KCNK2: variants seen among roughly 807,000 people sequenced by gnomAD.
The protein encoded by KCNK2 is potassium two pore domain channel subfamily K member 2.
A neutral mutation model predicts 40.5 loss-of-function variants in KCNK2; 21 were observed. The ratio of observed to expected loss-of-function variants is 0.52; its 90% CI spans 0.37 to 0.75. KCNK2 has a LOEUF of 0.75. Ranked by LOEUF, KCNK2 falls within the 30% of genes least tolerant of loss-of-function variation. KCNK2 has a pLI of 0.00. For synonymous variants in KCNK2, 191 were observed against 202.2 expected (o/e 0.94, Z 0.47); for missense variants, 399 against 531.6 (o/e 0.75, Z 2.45).
chr1:215,080,510 G>A (rs1169246756), upstream of KCNK2, among the ~76,000 whole-genome samples: 1 of 152,134 alleles, frequency 6.6e-6, no homozygotes, highest in Non-Finnish European at 1.5e-5. Flanking sequence ...GGGAGACCAG[G>A]TGAATATAAG....
At chr1:215,128,730 G>A (rs549183113) in intron 3 of KCNK2, among the ~76,000 whole-genome samples, 51 of 151,380 alleles carry the variant, frequency 3.4e-4, no homozygotes, top group Non-Finnish European at 5.7e-4. Context: ...TCCAAAAAGA[G>A]AAGTTAGCTG....
chr1:215,135,703 A>T (rs1661874184), intron 3 of KCNK2, among the ~76,000 whole-genome samples: 1 of 151,976 alleles, frequency 6.6e-6, no homozygotes, highest in African/African-American at 2.4e-5. Flanking sequence ...TAATTTAATG[A>T]AATGGCCAAC....
At chr1:215,064,689 C>T (rs188498352) in intron 1 of KCNK2, among the ~76,000 whole-genome samples, 4 of 152,128 alleles carry the variant, frequency 2.6e-5, no homozygotes, top group Non-Finnish European at 5.9e-5. Context: ...CTAAGAGTAT[C>T]GTCTTCAGGG....
chr1:215,081,305 T>G (rs920586067), upstream of KCNK2, among the ~76,000 whole-genome samples: 1 of 151,930 alleles, frequency 6.6e-6, no homozygotes, highest in Non-Finnish European at 1.5e-5. Flanking sequence ...CCAGGAAGAC[T>G]TAGAATGAAA....
At position 215,082,856 on chromosome 1, in the gene KCNK2, G is replaced by A. The variant is rs12747319; in HGVS notation, c.-530G>A. Among the ~76,000 whole-genome samples the A allele has an allele frequency of 6.6e-6, 1 of 151,982 alleles. No homozygotes were observed. The highest frequency in any genetic ancestry group is 2.4e-5 in the African/African-American group (1 of 41,422). On this transcript the variant is annotated 5_prime_UTR_variant, in exon 1 of 7. Coordinates refer to ENST00000444842, the MANE Select transcript of KCNK2 (RefSeq NM_001017425.3). ...CCGCGGGGCACGGAGGGCATTGCGG[G>A]GGGAGACACACAAAGACATGCGAAG...
intron 3 of KCNK2, among the ~76,000 whole-genome samples, chr1:215,166,177 A>G (rs2102630259): frequency 6.6e-6 from 1 of 152,260 alleles, no homozygotes; most frequent in Admixed American, 6.5e-5. Context: ...TAGAAAAATA[A>G]TTATTGAAAA....
At chr1:215,018,628 C>T (rs569452595) in intron 1 of KCNK2, among the ~76,000 whole-genome samples, 3 of 152,150 alleles carry the variant, frequency 2.0e-5, no homozygotes, top group Admixed American at 6.5e-5. Flanking sequence ...TATATGTGCA[C>T]AGTATGAAGA....
At chr1:215,232,951 T>C (rs112549241) in intron 6 of KCNK2, among the ~76,000 whole-genome samples, 2 of 152,240 alleles carry the variant, frequency 1.3e-5, no homozygotes, top group African/African-American at 4.8e-5. Flanking sequence ...TAAGTGTGCA[T>C]GAAATTTGTA....
At chr1:215,015,854 T>G (rs1001904979) in intron 1 of KCNK2, among the ~76,000 whole-genome samples, 1 of 152,150 alleles carries the variant, frequency 6.6e-6, no homozygotes, top group Non-Finnish European at 1.5e-5. Context: ...GAGGGTTACC[T>G]TGGAGGCAAA....
chr1:215,127,080 A>G (rs1307622124), intron 3 of KCNK2, among the ~76,000 whole-genome samples: 1 of 152,162 alleles, frequency 6.6e-6, no homozygotes, highest in African/African-American at 2.4e-5. Flanking sequence ...ATTTTTAGCA[A>G]TCATAGAAAT....
chr1:215,131,507 AT>A (rs1661681564), intron 3 of KCNK2, among the ~76,000 whole-genome samples: 1 of 147,402 alleles, frequency 6.8e-6, no homozygotes, highest in Admixed American at 6.8e-5. Flanking sequence ...AATATATAAA[AT>A]TATATTAATT....
chr1:215,021,977 A>C (rs1193594064), intron 1 of KCNK2, among the ~76,000 whole-genome samples: 1 of 152,124 alleles, frequency 6.6e-6, no homozygotes, highest in East Asian at 1.9e-4. Context: ...CACTGGCTGC[A>C]CTGGTTTTCA....
intron 6 of KCNK2, among the ~76,000 whole-genome samples, chr1:215,224,456 G>C (rs567804711): frequency 2.6e-5 from 4 of 152,156 alleles, no homozygotes; most frequent in South Asian, 4.1e-4. Context: ...TTACTTTCTT[G>C]CAAAAATAGG....
chr1:215,022,949 G>A (rs545580559), intron 1 of KCNK2, among the ~76,000 whole-genome samples: 1 of 152,264 alleles, frequency 6.6e-6, no homozygotes, highest in Admixed American at 6.5e-5. Context: ...GACTTTATTA[G>A]TGGGGTTAGA....
At chr1:215,045,142 C>T (rs1381979335) in intron 1 of KCNK2, among the ~76,000 whole-genome samples, 2 of 151,816 alleles carry the variant, frequency 1.3e-5, no homozygotes, top group African/African-American at 2.4e-5. Flanking sequence ...CGAGATCGTG[C>T]CACTGAACTC....
chr1:215,067,509 T>C (rs1417812490), intron 1 of KCNK2, among the ~76,000 whole-genome samples: 1 of 152,150 alleles, frequency 6.6e-6, no homozygotes, highest in Non-Finnish European at 1.5e-5. Context: ...GGCTTCTAAA[T>C]AGAATGATTG....
chr1:215,119,529 C>T (rs1386550191), intron 2 of KCNK2, among the ~76,000 whole-genome samples: 3 of 152,094 alleles, frequency 2.0e-5, no homozygotes, highest in Non-Finnish European at 4.4e-5. Context: ...ACTAATTTTC[C>T]TAGTGTCCAT....
intron 6 of KCNK2, among the ~76,000 whole-genome samples, chr1:215,227,316 T>A (rs186295210): frequency 7.0e-4 from 106 of 152,290 alleles, no homozygotes; most frequent in African/African-American, 2.5e-3. Context: ...GGGAAATGGC[T>A]CCATGAGGAT....
intron 3 of KCNK2, among the ~76,000 whole-genome samples, chr1:215,165,951 C>T (rs991045460): frequency 6.6e-6 from 1 of 152,142 alleles, no homozygotes; most frequent in African/African-American, 2.4e-5. Context: ...TTTCTCTTGA[C>T]TGATATCTTT....
Sources: allele counts gnomAD v4.1 joint callset (sites outside exome capture counted in the v4.1 genomes callset), GRCh38; gene constraint gnomAD v4.1.1; transcripts MANE v1.5; gene names NCBI Gene and HGNC (gene_info 2026-07-23, HGNC 2026-07-21).